Variants in PID1 observed in about 807,000 individuals in gnomAD.
The protein encoded by PID1 is phosphotyrosine interaction domain containing 1.
A neutral mutation model predicts 19.1 loss-of-function variants in PID1; 10 were observed. The observed-to-expected ratio is 0.52, with a 90% CI of 0.32 to 0.89. The LOEUF (loss-of-function observed/expected upper bound fraction) is 0.89, where lower values mean the gene tolerates loss of function less well. Among genes scored for constraint, PID1 ranks in the 40% least tolerant of loss-of-function variants. PID1 has a pLI of 0.03. For missense variants in PID1, 248 were observed against 285.3 expected (o/e 0.87, Z 0.94); for synonymous variants, 130 against 116.0 (o/e 1.12, Z -0.78).
intron 1 of PID1, among the ~76,000 whole-genome samples, chr2:229,232,430 T>G (rs1343890215): frequency 1.3e-3 from 1 of 750 alleles, no homozygotes; most frequent in Admixed American, 0.02. Flanking sequence ...AGACTCCATC[T>G]CAAAAAAAAA....
intron 2 of PID1, among the ~76,000 whole-genome samples, chr2:229,030,328 A>C (rs1693520152): frequency 1.3e-5 from 2 of 152,184 alleles, no homozygotes; most frequent in Non-Finnish European, 2.9e-5. Context: ...ACAGTTCTGG[A>C]GATGGTTGGT....
At chr2:229,168,061 G>A (rs1372064584) in intron 1 of PID1, among the ~76,000 whole-genome samples, 2 of 152,148 alleles carry the variant, frequency 1.3e-5, no homozygotes, top group Non-Finnish European at 2.9e-5. Flanking sequence ...CTTGTAATAT[G>A]TCTTTTGTTT....
intron 2 of PID1, among the ~76,000 whole-genome samples, chr2:229,106,677 G>T (rs1695185532): frequency 6.6e-6 from 1 of 152,100 alleles, no homozygotes; most frequent in African/African-American, 2.4e-5. Context: ...TAAATCTGCT[G>T]GTACCTTAAT....
At chr2:229,269,250 T>C (rs1690672014) in intron 1 of PID1, among the ~76,000 whole-genome samples, 2 of 152,196 alleles carry the variant, frequency 1.3e-5, no homozygotes, top group Admixed American at 6.5e-5. Context: ...ATAAACGCAT[T>C]GCAAACACCA....
intron 2 of PID1, among the ~76,000 whole-genome samples, chr2:229,133,197 T>A (rs1348715296): frequency 1.3e-5 from 2 of 152,250 alleles, no homozygotes; most frequent in Admixed American, 1.3e-4. Context: ...CTGTTTCTAA[T>A]TACACCTTGA....
chr2:229,027,125 A>T (rs1166023450), intron 2 of PID1, among the ~76,000 whole-genome samples: 3 of 152,232 alleles, frequency 2.0e-5, no homozygotes, highest in Non-Finnish European at 4.4e-5. Context: ...GTGAGAACTG[A>T]GAGGGGACAT....
At chr2:229,133,048 C>A (rs571946530) in intron 2 of PID1, among the ~76,000 whole-genome samples, 1 of 152,014 alleles carries the variant, frequency 6.6e-6, no homozygotes, top group Non-Finnish European at 1.5e-5. Context: ...TCTGTGTTAT[C>A]TTGGTAAGAT....
In PID1 at chr2:229,246,705, T is replaced by C. The variant is rs536250907; in HGVS notation, c.30+24309A>G. 3.3e-5 allele frequency among the ~76,000 whole-genome samples: 5 copies of C among 152,306 alleles called. No homozygotes were observed. The South Asian group carries it at 8.3e-4, about 25-fold the overall frequency. On this transcript the variant is annotated intron_variant, in intron 1 of 2. Transcript: ENST00000392055. ...AGGCAAGGCCAGCATTATAAAAACC[T>C]GCCTCCAATCCTTCAACTGAAGCAA...
chr2:229,155,168 A>G (rs1219477622), intron 2 of PID1, among the ~76,000 whole-genome samples: 1 of 152,198 alleles, frequency 6.6e-6, no homozygotes, highest in Non-Finnish European at 1.5e-5. Context: ...GAAAGAACAA[A>G]GGGAAGAATT....
chr2:229,235,875 C>T (rs564590623), intron 1 of PID1, among the ~76,000 whole-genome samples: 1 of 152,188 alleles, frequency 6.6e-6, no homozygotes, highest in East Asian at 1.9e-4. Context: ...GGACGGGGGG[C>T]CAGGCAGGAG....
At chr2:229,251,617 T>C (rs967799581) in intron 1 of PID1, among the ~76,000 whole-genome samples, 3 of 152,180 alleles carry the variant, frequency 2.0e-5, no homozygotes, top group Non-Finnish European at 2.9e-5. Flanking sequence ...GAGTGTGAGA[T>C]ACACGAAGAA....
intron 1 of PID1, among the ~76,000 whole-genome samples, chr2:229,255,143 G>A (rs1160844381): frequency 2.0e-5 from 3 of 152,184 alleles, no homozygotes; most frequent in Non-Finnish European, 4.4e-5. Context: ...CAACTCAGAT[G>A]GATGATGGAT....
intron 1 of PID1, among the ~76,000 whole-genome samples, chr2:229,262,208 GAA>G (rs1326280179): frequency 6.6e-6 from 1 of 152,132 alleles, no homozygotes; most frequent in Non-Finnish European, 1.5e-5. Flanking sequence ...AGCCTGTCTG[GAA>G]AAGTTTCACT....
At chr2:229,210,525 CAAAAAAAAAAAAAAAAAA>C (rs1170895327) in intron 1 of PID1, among the ~76,000 whole-genome samples, 2 of 15,534 alleles carry the variant, frequency 1.3e-4, no homozygotes, top group South Asian at 0.014. Context: ...AGTTTTGTCT[CAAAAAAAAAAAAAAAAAA>C]AAAAAAAAAA....
chr2:229,192,288 A>T (rs977127208), intron 1 of PID1, among the ~76,000 whole-genome samples: 2 of 152,104 alleles, frequency 1.3e-5, no homozygotes, highest in African/African-American at 4.8e-5. Flanking sequence ...GTATGTTCCC[A>T]TTTGTAAGGT....
At chr2:229,072,996 T>A (rs1316281610) in intron 2 of PID1, among the ~76,000 whole-genome samples, 1 of 152,202 alleles carries the variant, frequency 6.6e-6, no homozygotes, top group Non-Finnish European at 1.5e-5. Context: ...AAAATGAGGT[T>A]ATCCTCACAA....
At chr2:229,125,405 C>CA (rs5839305) in intron 2 of PID1, among the ~76,000 whole-genome samples, 4,227 of 144,354 alleles carry the variant, frequency 0.029, 223 homozygotes, top group African/African-American at 0.1. Context: ...TTCAAGTAGC[C>CA]AAAAAAAAAA....
At chr2:229,158,386 A>G (rs1354791193) in intron 1 of PID1, among the ~76,000 whole-genome samples, 1 of 152,182 alleles carries the variant, frequency 6.6e-6, no homozygotes, top group Admixed American at 6.5e-5. Flanking sequence ...TATTGTTCCT[A>G]TAATTTATCC....
chr2:229,064,898 G>GA (rs1344127877), intron 2 of PID1, among the ~76,000 whole-genome samples: 5 of 152,102 alleles, frequency 3.3e-5, no homozygotes, highest in African/African-American at 1.2e-4. Context: ...CAGCATAATG[G>GA]AAAATATGCT....
Sources: allele counts gnomAD v4.1 joint callset (sites outside exome capture counted in the v4.1 genomes callset), GRCh38; gene constraint gnomAD v4.1.1; transcripts MANE v1.5; gene names NCBI Gene and HGNC (gene_info 2026-07-23, HGNC 2026-07-21).